Variants in TGFBR1 observed in about 807,000 individuals in gnomAD.
TGFBR1 encodes the protein transforming growth factor beta receptor 1, also known as TGF-beta receptor type-1.
A neutral mutation model predicts 55.1 loss-of-function variants in TGFBR1; 20 were observed. The ratio of observed to expected loss-of-function variants is 0.36; its 90% CI spans 0.26 to 0.53. The LOEUF (loss-of-function observed/expected upper bound fraction) is 0.53. Among genes scored for constraint, TGFBR1 ranks in the 20% least tolerant of loss-of-function variants. TGFBR1 has a pLI of 0.91. For missense variants in TGFBR1, 385 were observed against 617.6 expected (o/e 0.62, Z 3.99); for synonymous variants, 220 against 214.8 (o/e 1.02, Z -0.21).
intron 1 of TGFBR1, among the ~76,000 whole-genome samples, chr9:99,120,916 T>G (rs1316223721): frequency 6.6e-6 from 1 of 152,214 alleles, no homozygotes; most frequent in African/African-American, 2.4e-5. Context: ...AAATCCCATC[T>G]TGCCATTTGG....
rs150964122 is a variant in TGFBR1, at chr9:99,142,778, G to T, written c.973+75G>T. On this transcript the variant is annotated intron_variant, in intron 5 of 8. Coordinates refer to ENST00000374994, the MANE Select transcript of TGFBR1 (RefSeq NM_004612.4). ...ATGTCTATGAAAATAGAAGGTGGAG[G>T]CTGGGCCTGGTGGCTCATGCCTATA... 3,869 of 1,556,430 alleles carry T rather than the reference G, an allele frequency of 2.5e-3. 5 individuals are homozygous for T. The highest frequency in any genetic ancestry group is 4.6e-3 in the Middle Eastern group (27 of 5,908).
chr9:99,132,842 G>A, intron 3 of TGFBR1, 103 bp downstream of exon 3: 2 of 1,447,792 alleles, frequency 1.4e-6, no homozygotes, highest in East Asian at 2.4e-5. Context: ...ATGTGAGATA[G>A]TATAAATAAT....
At chr9:99,140,064 G>A (rs10733709) in intron 4 of TGFBR1, among the ~76,000 whole-genome samples, 34,079 of 152,152 alleles carry the variant, frequency 0.22, 4,035 homozygotes, top group East Asian at 0.42. Context: ...ATGTGGAGGT[G>A]TATAGTGTTT....
chr9:99,136,486 G>A (rs1244490911), intron 3 of TGFBR1, among the ~76,000 whole-genome samples: 1 of 152,174 alleles, frequency 6.6e-6, no homozygotes, highest in Non-Finnish European at 1.5e-5. Context: ...TTCATAAAAT[G>A]TAATAAATTA....
chr9:99,113,157 T>C (rs369963982), intron 1 of TGFBR1, among the ~76,000 whole-genome samples: 3 of 152,326 alleles, frequency 2.0e-5, no homozygotes, highest in East Asian at 3.9e-4. Context: ...TCTGGTTGTA[T>C]TGAAATTAAC....
At chr9:99,107,374 A>G (rs942828473) in intron 1 of TGFBR1, among the ~76,000 whole-genome samples, 1 of 152,238 alleles carries the variant, frequency 6.6e-6, no homozygotes, top group South Asian at 2.1e-4. Flanking sequence ...TGTCTCCAAC[A>G]TAGGTTTCTC....
At chr9:99,134,166 G>T (rs533258436) in intron 3 of TGFBR1, among the ~76,000 whole-genome samples, 73 of 152,252 alleles carry the variant, frequency 4.8e-4, no homozygotes, top group African/African-American at 1.7e-3. Context: ...TTAAGGAAAT[G>T]AATATATATT....
Position 99,149,546 on chromosome 9 carries a change from T to A in TGFBR1, c.*241T>A. On this transcript the variant is annotated 3_prime_UTR_variant, in exon 9 of 9. Transcript: ENST00000374994. Reference sequence around the variant, plus strand: ...CAGGACAGAAAATGTGTAGTCTACCTTTATTTTTTATTAACAAAACTTGTT... The same window carrying A: ...CAGGACAGAAAATGTGTAGTCTACCATTATTTTTTATTAACAAAACTTGTT... 2.1e-6 allele frequency: 1 copy of A among 472,296 alleles called. No homozygotes were observed. Among genetic ancestry groups the A allele is most frequent in the East Asian group, 3.6e-5 (1 of 27,894 alleles). 29.3% of individuals were successfully genotyped at this position (472,296 alleles called of 1,614,324 possible). A position where few individuals can be genotyped will look rare whatever the true frequency, so the allele number is the denominator to read the frequency against.
intron 6 of TGFBR1, 65 bp downstream of exon 6, chr9:99,144,953 T>TATAC: frequency 6.4e-7 from 1 of 1,553,852 alleles, no homozygotes; most frequent in Non-Finnish European, 8.8e-7. Context: ...CTCTTTCATA[T>TATAC]ATACATATCA....
At chr9:99,135,798 A>T (rs1233066807) in intron 3 of TGFBR1, among the ~76,000 whole-genome samples, 1 of 152,054 alleles carries the variant, frequency 6.6e-6, no homozygotes, top group East Asian at 1.9e-4. Context: ...AGAGCAGAGA[A>T]TATAGAGATC....
At chr9:99,107,772 G>C (rs1209129751) in intron 1 of TGFBR1, among the ~76,000 whole-genome samples, 1 of 152,150 alleles carries the variant, frequency 6.6e-6, no homozygotes, top group Non-Finnish European at 1.5e-5. Flanking sequence ...TCCTACCAGG[G>C]ATCTCATTTC....
intron 1 of TGFBR1, among the ~76,000 whole-genome samples, chr9:99,117,457 TA>T: frequency 6.6e-6 from 1 of 152,292 alleles, no homozygotes; most frequent in South Asian, 2.1e-4. Flanking sequence ...CCAAATGTTT[TA>T]AAAATGTTTT....
Position 99,142,843 on chromosome 9 carries a change from G to A in TGFBR1, c.973+140G>A, listed in dbSNP as rs11568782. 5.9e-4 allele frequency: 528 copies of A among 893,220 alleles called. 1 individual carries two copies. Among genetic ancestry groups the A allele is most frequent in the African/African-American group, 5.6e-3 (338 of 59,908 alleles). 55.3% of individuals were successfully genotyped at this position (893,220 alleles called of 1,614,324 possible). ...GGAGGCTGAGGTGGGCAGATCGCCC[G>A]ATCTCAGGAGTTCATGGCCAGCCTG... is the stretch of plus-strand genomic sequence containing the variant. On this transcript the variant is annotated intron_variant, in intron 5 of 8. Coordinates refer to ENST00000374994, the MANE Select transcript of TGFBR1 (RefSeq NM_004612.4).
At chr9:99,111,539 G>C (rs913098446) in intron 1 of TGFBR1, among the ~76,000 whole-genome samples, 3 of 151,970 alleles carry the variant, frequency 2.0e-5, no homozygotes, top group Admixed American at 1.3e-4. Flanking sequence ...TGAGGCAGGA[G>C]AATCACTTGA....
intron 1 of TGFBR1, among the ~76,000 whole-genome samples, chr9:99,119,912 T>C (rs1564137463): frequency 6.6e-6 from 1 of 152,242 alleles, no homozygotes; most frequent in Non-Finnish European, 1.5e-5. Flanking sequence ...CTACCAGAGC[T>C]GTCTCAACAT....
chr9:99,142,755 G>A lies in TGFBR1; in HGVS notation c.973+52G>A, dbSNP rs910274194. On this transcript the variant is annotated intron_variant, in intron 5 of 8. Transcript: ENST00000374994. ...TAAGCTTTAAATTTTCATGAATAAT[G>A]TCTATGAAAATAGAAGGTGGAGGCT... is the stretch of plus-strand genomic sequence containing the variant. The A allele has an allele frequency of 3.8e-6, 6 of 1,595,094 alleles. No homozygotes were observed. In the African/African-American group the frequency reaches 4.0e-5, roughly 11 times the overall value.
At chr9:99,104,566 C>A (rs957168762), upstream of TGFBR1, among the ~76,000 whole-genome samples, 1 of 151,988 alleles carries the variant, frequency 6.6e-6, no homozygotes, top group Admixed American at 6.5e-5. Context: ...CGGGGGAATG[C>A]TGAAGTTGAT....
chr9:99,110,191 A>C (rs1455479467), intron 1 of TGFBR1, among the ~76,000 whole-genome samples: 1 of 152,206 alleles, frequency 6.6e-6, no homozygotes, highest in African/African-American at 2.4e-5. Flanking sequence ...GATCAGATCA[A>C]GTCTTTTATA....
At chr9:99,136,798 G>A (rs1465937854) in intron 3 of TGFBR1, among the ~76,000 whole-genome samples, 1 of 151,932 alleles carries the variant, frequency 6.6e-6, no homozygotes, top group Non-Finnish European at 1.5e-5. Flanking sequence ...TTCATTTACT[G>A]TCATTGGGTT....
Sources: gnomAD v4.1 joint callset for allele counts (sites outside exome capture counted in the v4.1 genomes callset) on GRCh38, gnomAD v4.1.1 for gene constraint, MANE v1.5 for transcripts, NCBI Gene and HGNC (gene_info 2026-07-23, HGNC 2026-07-21) for gene names.